The following ZNF385D variants were observed in gnomAD, a reference collection of about 807,000 sequenced individuals.
The protein encoded by ZNF385D is zinc finger protein 659.
A neutral mutation model predicts 35.8 loss-of-function variants in ZNF385D; 15 were observed. The ratio of observed to expected loss-of-function variants is 0.42; its 90% CI spans 0.28 to 0.64. The LOEUF is 0.64. Among genes scored for constraint, ZNF385D ranks in the 30% least tolerant of loss-of-function variants. The pLI is 0.23. For synonymous variants in ZNF385D, 212 were observed against 186.8 expected (o/e 1.13, Z -1.10); for missense variants, 474 against 494.6 (o/e 0.96, Z 0.39).
At chr3:22,119,975 C>A (rs572361158) in intron 3 of ZNF385D, among the ~76,000 whole-genome samples, 1 of 146,040 alleles carries the variant, frequency 6.8e-6, no homozygotes, top group African/African-American at 2.6e-5. Context: ...CTCCAACATA[C>A]TCAATTTTTT....
chr3:22,015,775 C>T (rs1312549856), intron 3 of ZNF385D, among the ~76,000 whole-genome samples: 1 of 152,102 alleles, frequency 6.6e-6, no homozygotes, highest in Non-Finnish European at 1.5e-5. Context: ...CATCTCCTGG[C>T]TTTCCTAGGA....
chr3:22,130,583 T>C (rs974006451), intron 3 of ZNF385D, among the ~76,000 whole-genome samples: 2 of 151,994 alleles, frequency 1.3e-5, no homozygotes, highest in African/African-American at 4.8e-5. Flanking sequence ...CAGCACTGAG[T>C]TCCAATGCAA....
In ZNF385D at chr3:21,573,014, T is replaced by G. The variant is rs1246761828; in HGVS notation, c.166-8330A>C. Among the ~76,000 whole-genome samples, 6 of 152,120 alleles carry G rather than the reference T, an allele frequency of 3.9e-5. No homozygotes were observed. The East Asian group carries it at 5.8e-4, about 15-fold the overall frequency. On this transcript the variant is annotated intron_variant, in intron 2 of 7. Coordinates refer to ENST00000281523, the MANE Select transcript of ZNF385D (RefSeq NM_024697.3). ...CACAAACACATGAACTTAATTAGATTAGGGTTTTACAGCTGGGTACTTCTA... is the reference window on the plus strand; with the variant it reads ...CACAAACACATGAACTTAATTAGATGAGGGTTTTACAGCTGGGTACTTCTA...
intron 2 of ZNF385D, among the ~76,000 whole-genome samples, chr3:22,305,291 A>C (rs1703142735): frequency 6.6e-6 from 1 of 152,048 alleles, no homozygotes; most frequent in African/African-American, 2.4e-5. Flanking sequence ...TTGTTGTTTC[A>C]GATTATTTTT....
At chr3:21,988,776 C>G (rs577028500) in intron 3 of ZNF385D, among the ~76,000 whole-genome samples, 12 of 151,970 alleles carry the variant, frequency 7.9e-5, no homozygotes, top group East Asian at 3.9e-4. Context: ...GCCTCGCTGC[C>G]GCTTTGCAGT....
intron 2 of ZNF385D, among the ~76,000 whole-genome samples, chr3:22,186,193 GTC>G (rs1695619226): frequency 6.6e-6 from 1 of 152,096 alleles, no homozygotes; most frequent in Non-Finnish European, 1.5e-5. Flanking sequence ...AATAAGAAAG[GTC>G]TCTGAAGAAT....
chr3:22,059,908 A>C (rs1269347106), intron 3 of ZNF385D, among the ~76,000 whole-genome samples: 1 of 152,200 alleles, frequency 6.6e-6, no homozygotes, highest in African/African-American at 2.4e-5. Context: ...CACCTTCACC[A>C]ATGTGGGCAG....
At chr3:22,189,038 A>AT (rs35524906) in intron 2 of ZNF385D, among the ~76,000 whole-genome samples, 32,338 of 151,384 alleles carry the variant, frequency 0.21, 4,055 homozygotes, top group East Asian at 0.45. Context: ...AAAAACCAGC[A>AT]TTTTTTTTTC....
intron 2 of ZNF385D, among the ~76,000 whole-genome samples, chr3:22,245,010 A>G (rs1699697644): frequency 6.6e-6 from 1 of 152,088 alleles, no homozygotes; most frequent in Non-Finnish European, 1.5e-5. Context: ...CTCTTGCATC[A>G]GAATTGCCAG....
chr3:22,214,601 T>G (rs983293176), intron 2 of ZNF385D, among the ~76,000 whole-genome samples: 6 of 152,010 alleles, frequency 3.9e-5, no homozygotes, highest in African/African-American at 1.4e-4. Flanking sequence ...GGTAGACCTC[T>G]AAAATGGCCG....
At position 22,095,522 on chromosome 3, in the gene ZNF385D, A is replaced by G. The variant is rs560662433; in HGVS notation, c.325+73295T>C. On this transcript the variant is annotated intron_variant, in intron 3 of 5. Transcript: ENST00000494108. ...CTATTGATCTATCTTCTGATTCAAT[A>G]TGATACTCTAGATGATGTGATCTGT... Among the ~76,000 whole-genome samples, 15 of 152,130 alleles carry G rather than the reference A, an allele frequency of 9.9e-5. No individual in the cohort carries two copies. The South Asian group carries it at 3.1e-3, about 32-fold the overall frequency.
chr3:22,242,508 A>T (rs145394163), intron 2 of ZNF385D, among the ~76,000 whole-genome samples: 1 of 151,018 alleles, frequency 6.6e-6, no homozygotes, highest in East Asian at 2.0e-4. Flanking sequence ...CAATAATTCC[A>T]ATCTAATTAT....
At chr3:22,214,679 C>A (rs908365305) in intron 2 of ZNF385D, among the ~76,000 whole-genome samples, 1 of 152,110 alleles carries the variant, frequency 6.6e-6, no homozygotes, top group Non-Finnish European at 1.5e-5. Flanking sequence ...TCCCATAGCG[C>A]TCCCAGGCTT....
intron 3 of ZNF385D, among the ~76,000 whole-genome samples, chr3:21,977,364 G>A (rs1285816086): frequency 1.3e-5 from 2 of 152,122 alleles, no homozygotes; most frequent in Non-Finnish European, 2.9e-5. Flanking sequence ...GCTTGAGTAT[G>A]GTGGTGGTTG....
At chr3:22,070,188 C>T (rs1156319921) in intron 3 of ZNF385D, among the ~76,000 whole-genome samples, 4 of 152,106 alleles carry the variant, frequency 2.6e-5, no homozygotes, top group African/African-American at 9.7e-5. Flanking sequence ...TATCTACTCA[C>T]ATGTTGTAAT....
chr3:22,068,432 GTC>G (rs1700069644), intron 3 of ZNF385D, among the ~76,000 whole-genome samples: 1 of 152,128 alleles, frequency 6.6e-6, no homozygotes, highest in South Asian at 2.1e-4. Flanking sequence ...ACATCTGAAT[GTC>G]TCTTTTTCCT....
chr3:21,902,787 A>C (rs1699476210), intron 3 of ZNF385D, among the ~76,000 whole-genome samples: 1 of 152,152 alleles, frequency 6.6e-6, no homozygotes, highest in Non-Finnish European at 1.5e-5. Context: ...ACATGTATAC[A>C]TATGCATATG....
chr3:22,025,418 A>G (rs551799980), intron 3 of ZNF385D, among the ~76,000 whole-genome samples: 2 of 152,112 alleles, frequency 1.3e-5, no homozygotes, highest in African/African-American at 2.4e-5. Flanking sequence ...GGTGTGCTAC[A>G]CTCGAAAAGA....
chr3:22,237,647 A>G (rs1026795519), intron 2 of ZNF385D, among the ~76,000 whole-genome samples: 1 of 151,788 alleles, frequency 6.6e-6, no homozygotes, highest in Non-Finnish European at 1.5e-5. Flanking sequence ...TTAAATTTAG[A>G]CCTTATTTTA....
Sources: allele counts gnomAD v4.1 joint callset (sites outside exome capture counted in the v4.1 genomes callset), GRCh38; gene constraint gnomAD v4.1.1; transcripts MANE v1.5; gene names NCBI Gene and HGNC (gene_info 2026-07-23, HGNC 2026-07-21).